Variants in SUMF2 observed in about 807,000 individuals in gnomAD.
The protein encoded by SUMF2 is sulfatase modifying factor 2.
Under a neutral mutation model 44.8 loss-of-function variants are expected in SUMF2, and 45 were observed. The observed-to-expected ratio is 1.00, with a 90% confidence interval of 0.79 to 1.29. The LOEUF (loss-of-function observed/expected upper bound fraction) is 1.29, where lower values mean the gene tolerates loss of function less well. Among genes scored for constraint, SUMF2 ranks in the 50% most tolerant of loss-of-function variants. The pLI is 0.00. For missense variants in SUMF2, 418 were observed against 389.9 expected (o/e 1.07, Z -0.61); for synonymous variants, 148 against 150.4 (o/e 0.98, Z 0.12).
downstream of SUMF2, chr7:56,083,745 C>T (rs781422773): frequency 1.1e-4 from 164 of 1,485,686 alleles, no homozygotes; most frequent in Middle Eastern, 1.9e-3. Context: ...ATAGCTGGAT[C>T]GGTCCCAAGA....
intron 3 of SUMF2, 29 bp downstream of exon 3, chr7:56,073,140 G>T (rs1267731088): frequency 6.4e-7 from 1 of 1,552,572 alleles, no homozygotes; most frequent in South Asian, 1.1e-5. Context: ...GCAGCTGAGG[G>T]GATAGGAGTG....
chr7:56,081,403 G>A, downstream of SUMF2: 1 of 1,417,702 alleles, frequency 7.1e-7, no homozygotes, highest in African/African-American at 1.4e-5. This position sits in a 1 kb window ranked among gnomAD's most constrained non-coding sequence, Gnocchi z 4.6. Flanking sequence ...AGCCTTGGGT[G>A]GCTTCTGCGG....
chr7:56,074,039 AAAAAATC>A, intron 3 of SUMF2, 128 bp from the exon 4 acceptor site: 1 of 647,900 alleles, frequency 1.5e-6, no homozygotes, highest in Non-Finnish European at 2.7e-6. Flanking sequence ...AAAAAAAAAA[AAAAAATC>A]AGCCACAACC....
At chr7:56,074,372 C>A in intron 4 of SUMF2, 154 bp downstream of exon 4, 1 of 1,006,824 alleles carries the variant, frequency 9.9e-7, no homozygotes, top group Non-Finnish European at 1.5e-6. Flanking sequence ...CCTGTTTCAC[C>A]TGCCCGAATC....
At chr7:56,081,150 G>T (rs766739121), downstream of SUMF2, 2 of 1,613,772 alleles carry the variant, frequency 1.2e-6, no homozygotes, top group African/African-American at 2.7e-5. This position sits in a 1 kb window ranked among gnomAD's most constrained non-coding sequence, Gnocchi z 4.6. Flanking sequence ...TCACCCAGTG[G>T]CCATAGATTC....
downstream of SUMF2, among the ~76,000 whole-genome samples, chr7:56,082,598 AAAAG>A (rs1796060921): frequency 6.6e-6 from 1 of 151,764 alleles, no homozygotes; most frequent in Non-Finnish European, 1.5e-5. Context: ...TTTCAAAAAA[AAAAG>A]AGAGGAAGTC....
intron 8 of SUMF2, chr7:56,078,828 A>G (rs886372480): frequency 2.3e-6 from 1 of 440,028 alleles, no homozygotes; most frequent in Non-Finnish European, 4.0e-6. Flanking sequence ...GGGAAGTAGA[A>G]TGACCACACC....
intron 1 of SUMF2, among the ~76,000 whole-genome samples, chr7:56,067,490 C>G (rs182563880): frequency 5.5e-4 from 84 of 152,194 alleles, no homozygotes; most frequent in African/African-American, 2.0e-3. Context: ...TTAATTGATA[C>G]AGCTGCTACC....
rs1795927615 is a variant in SUMF2 at position 56,080,649 on chromosome 7, TCTC to T, written c.*1040_*1042del. 4.5e-6 allele frequency: 1 copy of T among 220,794 alleles called. No homozygotes were observed. Among genetic ancestry groups the T allele is most frequent in the Admixed American group, 5.2e-5 (1 of 19,218 alleles). The allele number at this position is 220,794 out of a possible 1,614,324, so 13.7% of individuals were successfully genotyped here. ...ACTGGATGTCATGGGGCCAATAAAA[TCTC>T]CTGCAATTGTGTATCTCAGACATTT... On this transcript the variant is annotated 3_prime_UTR_variant, in exon 9 of 9. Coordinates refer to ENST00000434526, the MANE Select transcript of SUMF2 (RefSeq NM_015411.4).
the SUMF2 span, among the ~76,000 whole-genome samples, chr7:56,086,427 C>T: frequency 6.6e-6 from 1 of 152,122 alleles, no homozygotes; most frequent in East Asian, 1.9e-4. Context: ...AATCCCAGCA[C>T]TTTGGGAGGC....
intron 1 of SUMF2, among the ~76,000 whole-genome samples, chr7:56,068,027 CTTTCTT>C (rs1794918149): frequency 1.6e-5 from 2 of 123,774 alleles, no homozygotes; most frequent in African/African-American, 2.9e-5. Flanking sequence ...TTCTTTTTTT[CTTTCTT>C]TTTTTTTTTT....
In SUMF2 at chr7:56,064,359, C is replaced by A. The variant is rs563390507; in HGVS notation, c.48C>A (p.Val16=). 1.9e-6 allele frequency: 3 copies of A among 1,604,104 alleles called. No individual in the cohort carries two copies. In the African/African-American group the frequency reaches 4.0e-5, roughly 21 times the overall value. ...TGCTGCCCCTGCTGTCGCTCCTGGT[C>A]GGCGCGTGGCTCAAGCTAGGTCAGT... ...LPLLPLLSLL[V]GAWLKLGNGQ... is the part of the protein sequence containing the mutation. The change falls in exon 1 of 9, where the codon GTC becomes GTA. Residue 16 remains valine, a synonymous_variant. Transcript: ENST00000434526.
intron 8 of SUMF2, 39 bp downstream of exon 8, chr7:56,078,547 C>T: frequency 6.6e-7 from 1 of 1,509,696 alleles, no homozygotes; most frequent in Non-Finnish European, 8.9e-7. Context: ...GGCCTTGTAG[C>T]TGGGGGCTGA....
the SUMF2 span, chr7:56,086,846 G>T: frequency 1.3e-6 from 1 of 798,504 alleles, no homozygotes; most frequent in Non-Finnish European, 2.2e-6. Context: ...TCTAAACACC[G>T]TGATTGTATT....
chr7:56,078,517 C>A lies in SUMF2; in HGVS notation c.821+9C>A. On this transcript the variant is annotated intron_variant, in intron 8 of 8. Coordinates refer to ENST00000434526, the MANE Select transcript of SUMF2 (RefSeq NM_015411.4). ...GCCCGGGTCACCACCAGGTAAGGGG[C>A]TTGGTCCCAGGCAACACGGGGCCTT... is the stretch of plus-strand genomic sequence containing the variant. The A allele has an allele frequency of 1.3e-6, 2 of 1,553,656 alleles. No homozygotes were observed. Among genetic ancestry groups the A allele is most frequent in the Admixed American group, 1.9e-5 (1 of 52,326 alleles).
intron 2 of SUMF2, among the ~76,000 whole-genome samples, chr7:56,069,554 C>T (rs1486693805): frequency 6.6e-6 from 1 of 151,984 alleles, no homozygotes; most frequent in Non-Finnish European, 1.5e-5. Flanking sequence ...CTGAAACTTA[C>T]TAAACCATAC....
At chr7:56,074,283 T>C in intron 4 of SUMF2, 65 bp downstream of exon 4, 1 of 1,485,362 alleles carries the variant, frequency 6.7e-7, no homozygotes, top group Non-Finnish European at 9.4e-7. Flanking sequence ...AGGCCCAGCC[T>C]CCTCTCTACC....
At chr7:56,065,061 G>T (rs1794676261) in intron 1 of SUMF2, among the ~76,000 whole-genome samples, 1 of 151,136 alleles carries the variant, frequency 6.6e-6, no homozygotes, top group African/African-American at 2.4e-5. Context: ...GCGTGATGGC[G>T]GGCGCTTGTA....
At position 56,078,149 on chromosome 7, in the gene SUMF2, C is replaced by CT. The variant is rs2117493118; in HGVS notation, c.640dup (p.Ser214PhefsTer16). 1 of 1,613,050 alleles carries CT rather than the reference C, an allele frequency of 6.2e-7. No individual in the cohort carries two copies. Among genetic ancestry groups the CT allele is most frequent in the East Asian group, 2.2e-5 (1 of 44,834 alleles). ...AAGCTGAGGATGGCTTCCATGGAGT[C>CT]TCCCCAGTGAATGCTTTCCCCGCCC... On this transcript the variant is annotated frameshift_variant, in exon 7 of 9. Coordinates refer to ENST00000434526, the MANE Select transcript of SUMF2 (RefSeq NM_015411.4). LOFTEE classifies it high-confidence loss of function.
Sources: allele counts gnomAD v4.1 joint callset (sites outside exome capture counted in the v4.1 genomes callset), GRCh38; gene constraint gnomAD v4.1.1; non-coding constraint Gnocchi (gnomAD v3.1); transcripts MANE v1.5; gene names NCBI Gene and HGNC (gene_info 2026-07-23, HGNC 2026-07-21).